The following CCSER1 variants were observed in gnomAD, a reference collection of about 807,000 sequenced individuals.
CCSER1 encodes the protein coiled-coil serine rich protein 1.
Under a neutral mutation model 82.0 loss-of-function variants are expected in CCSER1, and 41 were observed. The ratio of observed to expected loss-of-function variants is 0.50; its 90% confidence interval spans 0.39 to 0.65. CCSER1 has a LOEUF of 0.65. CCSER1 is among the 30% of genes least tolerant of loss of function. The pLI is 0.00. For synonymous variants in CCSER1, 414 were observed against 383.9 expected (o/e 1.08, Z -0.92); for missense variants, 1,119 against 1,064.2 (o/e 1.05, Z -0.72).
At chr4:90,684,713 T>A (rs1483335836) in intron 6 of CCSER1, among the ~76,000 whole-genome samples, 1 of 152,150 alleles carries the variant, frequency 6.6e-6, no homozygotes, top group East Asian at 1.9e-4. Flanking sequence ...AATTCCCACC[T>A]GTTGTGGGAA....
At chr4:90,502,805 T>C (rs1410453578) in intron 5 of CCSER1, among the ~76,000 whole-genome samples, 1 of 152,196 alleles carries the variant, frequency 6.6e-6, no homozygotes, top group East Asian at 1.9e-4. Context: ...ATAATCCTTT[T>C]AAATCTCTTT....
chr4:90,942,305 T>A (rs563346613), intron 9 of CCSER1, among the ~76,000 whole-genome samples: 2 of 152,240 alleles, frequency 1.3e-5, no homozygotes, highest in Admixed American at 6.5e-5. Flanking sequence ...ATTTGCATAA[T>A]GGAGAAGATT....
Position 91,407,304 on chromosome 4 carries a change from C to A in CCSER1, c.2218-191268C>A, listed in dbSNP as rs185136461. 5.5e-3 allele frequency among the ~76,000 whole-genome samples: 838 copies of A among 152,172 alleles called. 6 individuals are homozygous for A. Among genetic ancestry groups the A allele is most frequent in the African/African-American group, 0.019 (809 of 41,536 alleles). ...CAAGTCTACAAAAACAGGCTACATG[C>A]AAAAATAATAGGCAAAAACCGTGTC... On this transcript the variant is annotated intron_variant, in intron 10 of 10. Coordinates refer to ENST00000509176, the MANE Select transcript of CCSER1 (RefSeq NM_001145065.2).
At chr4:91,372,154 A>G (rs963436765) in intron 10 of CCSER1, among the ~76,000 whole-genome samples, 1 of 152,214 alleles carries the variant, frequency 6.6e-6, no homozygotes, top group African/African-American at 2.4e-5. Context: ...AAGTGTAATC[A>G]TGCCTCTTTA....
At chr4:91,182,492 A>T (rs1372665394) in intron 10 of CCSER1, among the ~76,000 whole-genome samples, 2 of 152,212 alleles carry the variant, frequency 1.3e-5, no homozygotes, top group Non-Finnish European at 2.9e-5. Context: ...GCGGTCTTCC[A>T]TATTTTATCT....
chr4:90,712,541 G>T (rs749048615), intron 6 of CCSER1, among the ~76,000 whole-genome samples: 6 of 152,006 alleles, frequency 3.9e-5, no homozygotes, highest in African/African-American at 1.4e-4. Context: ...TTGCTGAGGC[G>T]TGTTTTACTT....
At chr4:91,346,114 C>T (rs926311247) in intron 10 of CCSER1, among the ~76,000 whole-genome samples, 9 of 151,734 alleles carry the variant, frequency 5.9e-5, no homozygotes, top group African/African-American at 2.2e-4. Flanking sequence ...ACCTCCACGT[C>T]CCGGGTTCAA....
intron 1 of CCSER1, among the ~76,000 whole-genome samples, chr4:90,301,769 T>A (rs905851040): frequency 2.0e-5 from 3 of 152,110 alleles, no homozygotes; most frequent in African/African-American, 7.2e-5. Context: ...TTTTATCCAA[T>A]TTGGAAATTT....
intron 10 of CCSER1, among the ~76,000 whole-genome samples, chr4:91,168,089 C>A (rs552548032): frequency 7.5e-4 from 112 of 148,836 alleles, no homozygotes; most frequent in South Asian, 1.5e-3. Flanking sequence ...GTGAGGAGCG[C>A]CTCTGCCCAG....
intron 10 of CCSER1, among the ~76,000 whole-genome samples, chr4:91,127,549 G>T (rs908025673): frequency 6.6e-6 from 1 of 152,036 alleles, no homozygotes; most frequent in Non-Finnish European, 1.5e-5. Context: ...ATGAATTGGA[G>T]ATTTTGAGTG....
intron 1 of CCSER1, among the ~76,000 whole-genome samples, chr4:90,264,871 A>G (rs1244618512): frequency 6.6e-6 from 1 of 152,188 alleles, no homozygotes; most frequent in Non-Finnish European, 1.5e-5. Flanking sequence ...TTCTGAATTT[A>G]TTCGTTTATA....
intron 1 of CCSER1, among the ~76,000 whole-genome samples, chr4:90,305,106 C>T (rs572280421): frequency 1.7e-4 from 26 of 152,036 alleles, no homozygotes; most frequent in Admixed American, 1.0e-3. Context: ...TTAGTAGAGA[C>T]GGGGTTTCAC....
intron 10 of CCSER1, among the ~76,000 whole-genome samples, chr4:91,094,756 C>T (rs753867088): frequency 2.6e-5 from 4 of 152,022 alleles, no homozygotes; most frequent in African/African-American, 9.7e-5. Context: ...TAGCTAGAGC[C>T]GGTTTTATCT....
chr4:90,988,409 TG>T (rs1736757439), intron 9 of CCSER1, among the ~76,000 whole-genome samples: 1 of 150,842 alleles, frequency 6.6e-6, no homozygotes, highest in Non-Finnish European at 1.5e-5. Flanking sequence ...ACATTTTTTT[TG>T]GTTCATATAA....
chr4:90,526,142 C>T (rs1208547012), intron 5 of CCSER1, among the ~76,000 whole-genome samples: 1 of 151,932 alleles, frequency 6.6e-6, no homozygotes, highest in Non-Finnish European at 1.5e-5. Context: ...ATATAATTTC[C>T]ATTAACCCAA....
chr4:90,770,729 T>C (rs1326014226), intron 7 of CCSER1, among the ~76,000 whole-genome samples: 1 of 152,164 alleles, frequency 6.6e-6, no homozygotes, highest in Non-Finnish European at 1.5e-5. Context: ...CTACAATGCT[T>C]CATTATTTCT....
intron 10 of CCSER1, among the ~76,000 whole-genome samples, chr4:91,138,838 G>T (rs1242570256): frequency 2.6e-5 from 4 of 151,840 alleles, no homozygotes; most frequent in African/African-American, 7.3e-5. Flanking sequence ...ATGAAAAAAT[G>T]CTCATCATCA....
intron 8 of CCSER1, among the ~76,000 whole-genome samples, chr4:90,904,592 G>A (rs1725166716): frequency 6.6e-6 from 1 of 152,120 alleles, no homozygotes; most frequent in South Asian, 2.1e-4. Context: ...GAATGCTCTG[G>A]CATTAGCCAT....
intron 1 of CCSER1, among the ~76,000 whole-genome samples, chr4:90,226,828 A>C (rs1315677176): frequency 6.6e-6 from 1 of 152,226 alleles, no homozygotes; most frequent in East Asian, 1.9e-4. Context: ...TGCAGGATTC[A>C]AGCTAAGGTC....
Sources: gnomAD v4.1 joint callset for allele counts (sites outside exome capture counted in the v4.1 genomes callset) on GRCh38, gnomAD v4.1.1 for gene constraint, MANE v1.5 for transcripts, NCBI Gene and HGNC (gene_info 2026-07-23, HGNC 2026-07-21) for gene names.